Variants in DCAF1 observed in about 807,000 individuals in gnomAD.
DCAF1 encodes DDB1 and CUL4 associated factor 1, also known as DDB1- and CUL4-associated factor 1.
Under a neutral mutation model 128.0 loss-of-function variants are expected in DCAF1, and 15 were observed. The ratio of observed to expected loss-of-function variants is 0.12; its 90% CI spans 0.08 to 0.18. The LOEUF (loss-of-function observed/expected upper bound fraction) is 0.18, where lower values mean the gene tolerates loss of function less well. Ranked by LOEUF, DCAF1 falls within the 10% of genes least tolerant of loss-of-function variation. The probability of loss-of-function intolerance (pLI) is 1.00; values close to 1 mark genes in which losing one functional copy is unlikely to be tolerated. For synonymous variants in DCAF1, 610 were observed against 603.0 expected (o/e 1.01, Z -0.17); for missense variants, 988 against 1,649.5 (o/e 0.60, Z 6.95).
chr3:51,447,903 T>C (rs1023280211), intron 6 of DCAF1, among the ~76,000 whole-genome samples: 10 of 151,742 alleles, frequency 6.6e-5, no homozygotes, highest in African/African-American at 9.7e-5. Context: ...ACCGACATCA[T>C]ACCACTGCAT....
intron 4 of DCAF1, among the ~76,000 whole-genome samples, chr3:51,467,716 T>G (rs1456097082): frequency 6.6e-6 from 1 of 152,166 alleles, no homozygotes; most frequent in Non-Finnish European, 1.5e-5. Flanking sequence ...GACACTGCTC[T>G]CTAGCCTTCC....
the DCAF1 span, among the ~76,000 whole-genome samples, chr3:51,505,381 C>T: frequency 2.0e-5 from 3 of 152,314 alleles, no homozygotes; most frequent in South Asian, 6.2e-4. Flanking sequence ...AGACCCACCA[C>T]ACCAACCGAA....
At chr3:51,402,528 T>A (rs1553625211) in intron 24 of DCAF1, among the ~76,000 whole-genome samples, 1 of 149,444 alleles carries the variant, frequency 6.7e-6, no homozygotes, top group African/African-American at 2.5e-5. Flanking sequence ...AACAGCAGAG[T>A]TGAAGAGCTG....
chr3:51,501,450 T>G (rs1249506473), upstream of DCAF1, among the ~76,000 whole-genome samples: 3 of 152,102 alleles, frequency 2.0e-5, no homozygotes, highest in Admixed American at 6.6e-5. Context: ...GTTCAAGGCC[T>G]TATGCAGCTC....
At chr3:51,488,951 C>T (rs901446671) in intron 2 of DCAF1, among the ~76,000 whole-genome samples, 5 of 152,044 alleles carry the variant, frequency 3.3e-5, no homozygotes, top group Admixed American at 6.6e-5. Context: ...CGCGACAGGG[C>T]GAGACTCCGT....
chr3:51,477,996 T>C (rs77317979), intron 3 of DCAF1, among the ~76,000 whole-genome samples: 2,634 of 152,204 alleles, frequency 0.017, 25 homozygotes, highest in South Asian at 0.041. Context: ...CATTGTTCCT[T>C]ATCTGTTAGT....
intron 6 of DCAF1, among the ~76,000 whole-genome samples, chr3:51,458,943 AT>A (rs1703232592): frequency 6.6e-6 from 1 of 152,218 alleles, no homozygotes. Context: ...ATAGCACTAA[AT>A]GCCCACAAGA....
chr3:51,437,451 T>C, intron 9 of DCAF1: 2 of 494,004 alleles, frequency 4.0e-6, no homozygotes, highest in Non-Finnish European at 4.0e-6. Flanking sequence ...TGAATAACAA[T>C]GTGGCTATCA....
chr3:51,409,839 A>T (rs1347052999), intron 23 of DCAF1, among the ~76,000 whole-genome samples: 10 of 152,220 alleles, frequency 6.6e-5, no homozygotes, highest in Non-Finnish European at 1.3e-4. Flanking sequence ...AGGCAACCAC[A>T]TGAAATTTGG....
At chr3:51,485,094 T>C (rs1016150463) in intron 2 of DCAF1, among the ~76,000 whole-genome samples, 4 of 152,120 alleles carry the variant, frequency 2.6e-5, no homozygotes, top group Admixed American at 2.6e-4. Context: ...TTTTGTATTT[T>C]AGTAGAAACA....
chr3:51,481,850 C>T (rs1422400864), intron 3 of DCAF1, among the ~76,000 whole-genome samples: 2 of 151,978 alleles, frequency 1.3e-5, no homozygotes, highest in East Asian at 1.9e-4. Context: ...AATTAGCCAG[C>T]GTCGTGGCGG....
intron 18 of DCAF1, 118 bp downstream of exon 18, chr3:51,416,669 G>T: frequency 7.2e-7 from 1 of 1,383,822 alleles, no homozygotes; most frequent in Non-Finnish European, 9.9e-7. Flanking sequence ...CTAACTAGAA[G>T]GAATATCACT....
At chr3:51,455,930 G>A (rs527451267) in intron 6 of DCAF1, among the ~76,000 whole-genome samples, 2 of 152,150 alleles carry the variant, frequency 1.3e-5, no homozygotes, top group Admixed American at 1.3e-4. Context: ...CGGGGGAGGA[G>A]CCAAGATGGC....
At chr3:51,463,934 AG>A (rs1703871211) in intron 5 of DCAF1, among the ~76,000 whole-genome samples, 1 of 152,130 alleles carries the variant, frequency 6.6e-6, no homozygotes, top group Non-Finnish European at 1.5e-5. Context: ...GGCTCACTGC[AG>A]TCTCGACCTC....
intron 12 of DCAF1, among the ~76,000 whole-genome samples, chr3:51,428,275 G>T (rs545747857): frequency 6.7e-6 from 1 of 149,682 alleles, no homozygotes; most frequent in East Asian, 2.0e-4. Context: ...CCCCAGACTC[G>T]AGTGACTCTC....
Position 51,423,504 on chromosome 3 carries a change from CA to C in DCAF1, c.1848-1074del, listed in dbSNP as rs1328087664. Among the ~76,000 whole-genome samples the C allele has an allele frequency of 4.2e-3, 469 of 111,318 alleles. 1 individual carries two copies. Among genetic ancestry groups the C allele is most frequent in the Admixed American group, 8.9e-3 (93 of 10,468 alleles). The allele number at this position is 111,318 out of a possible 152,430, so 73.0% of individuals were successfully genotyped here. A position where few individuals can be genotyped will look rare whatever the true frequency, so the allele number is the denominator to read the frequency against. On this transcript the variant is annotated intron_variant, in intron 13 of 24. Transcript: ENST00000684031. ...GCCACAGAGAGAGACTCTGTCTCCA[CA>C]AAAAAAAAAAAAGAAAAGAAAAAAG...
chr3:51,421,137 G>A, intron 14 of DCAF1, 140 bp from the exon 15 acceptor site: 1 of 991,604 alleles, frequency 1.0e-6, no homozygotes, highest in Non-Finnish European at 1.4e-6. Flanking sequence ...GCAAGGGTTT[G>A]TATAAAGTGC....
intron 18 of DCAF1, among the ~76,000 whole-genome samples, chr3:51,415,311 TGG>T (rs1216587333): frequency 1.1e-4 from 16 of 151,860 alleles, no homozygotes; most frequent in African/African-American, 3.6e-4. Flanking sequence ...TGGGCAACGT[TGG>T]GGAAATGCCG....
At chr3:51,493,794 G>A (rs534422601) in intron 2 of DCAF1, among the ~76,000 whole-genome samples, 1 of 151,888 alleles carries the variant, frequency 6.6e-6, no homozygotes, top group Non-Finnish European at 1.5e-5. Context: ...TCAACAGTTC[G>A]AGACCAGCCT....
Sources: gnomAD v4.1 joint callset for allele counts (sites outside exome capture counted in the v4.1 genomes callset) on GRCh38, gnomAD v4.1.1 for gene constraint, MANE v1.5 for transcripts, NCBI Gene and HGNC (gene_info 2026-07-23, HGNC 2026-07-21) for gene names.